GHR: variants seen among roughly 807,000 people sequenced by gnomAD.
GHR encodes GH receptor.
Under a neutral mutation model 67.1 loss-of-function variants are expected in GHR, and 35 were observed. That is an observed-to-expected ratio of 0.52 (90% CI 0.40 to 0.69). The LOEUF (loss-of-function observed/expected upper bound fraction) is 0.69. Among genes scored for constraint, GHR ranks in the 30% least tolerant of loss-of-function variants. The pLI is 0.00. For synonymous variants in GHR, 272 were observed against 269.1 expected, an observed-to-expected ratio of 1.01 and a Z score of -0.10; for missense variants, 792 against 764.6, an observed-to-expected ratio of 1.04 and a Z score of -0.42.
At chr5:42,481,762 G>A (rs1246828064) in intron 1 of GHR, among the ~76,000 whole-genome samples, 2 of 152,078 alleles carry the variant, frequency 1.3e-5, no homozygotes, top group Non-Finnish European at 2.9e-5. Flanking sequence ...CTCTGCATTG[G>A]TTATTCTAGT....
At chr5:42,576,046 T>TAAAATAAAATAAAATAA (rs66522211) in intron 2 of GHR, among the ~76,000 whole-genome samples, 8 of 55,886 alleles carry the variant, frequency 1.4e-4, no homozygotes, top group South Asian at 6.1e-4. Flanking sequence ...AAAATTAAAA[T>TAAAATAAAATAAAATAA]AATAAAATAA....
At chr5:42,475,742 A>G (rs1267783370) in intron 1 of GHR, among the ~76,000 whole-genome samples, 1 of 152,154 alleles carries the variant, frequency 6.6e-6, no homozygotes, top group East Asian at 1.9e-4. Flanking sequence ...GTCAGCAGTC[A>G]AAATGTGATG....
intron 3 of GHR, among the ~76,000 whole-genome samples, chr5:42,657,098 TA>T (rs1755294768): frequency 6.6e-6 from 1 of 151,992 alleles, no homozygotes; most frequent in African/African-American, 2.4e-5. Flanking sequence ...GGAAACTGGG[TA>T]GGGGCTTAGC....
chr5:42,539,987 C>G (rs1017042149), intron 1 of GHR, among the ~76,000 whole-genome samples: 1 of 152,160 alleles, frequency 6.6e-6, no homozygotes, highest in Non-Finnish European at 1.5e-5. Flanking sequence ...GAAAACTGCT[C>G]TCTATTTCTA....
chr5:42,575,417 G>A (rs1750600940), intron 2 of GHR, among the ~76,000 whole-genome samples: 1 of 152,074 alleles, frequency 6.6e-6, no homozygotes. Context: ...ATTAGAAAAT[G>A]GTCCAGGGAG....
intron 3 of GHR, among the ~76,000 whole-genome samples, chr5:42,648,024 T>A (rs188243560): frequency 0.018 from 2,808 of 152,240 alleles, 73 homozygotes; most frequent in African/African-American, 0.061. Context: ...TGTATTTTTT[T>A]AAAAAATTTT....
intron 2 of GHR, among the ~76,000 whole-genome samples, chr5:42,584,135 C>A (rs1751348298): frequency 6.6e-6 from 1 of 151,750 alleles, no homozygotes; most frequent in African/African-American, 2.4e-5. Flanking sequence ...GATGGAAAAC[C>A]CTTATGTATT....
chr5:42,616,265 C>T (rs148436806), intron 2 of GHR, among the ~76,000 whole-genome samples: 1,980 of 151,750 alleles, frequency 0.013, 15 homozygotes, highest in Non-Finnish European at 0.019. Flanking sequence ...TTTGATTGTT[C>T]GGGAAAAAGG....
At chr5:42,561,062 C>G (rs532998145) in intron 1 of GHR, among the ~76,000 whole-genome samples, 1 of 152,178 alleles carries the variant, frequency 6.6e-6, no homozygotes, top group Non-Finnish European at 1.5e-5. Context: ...TCTCTATTCA[C>G]CAGCTTCCTC....
chr5:42,663,149 G>T (rs994838822), intron 3 of GHR, among the ~76,000 whole-genome samples: 20 of 152,042 alleles, frequency 1.3e-4, no homozygotes, highest in African/African-American at 3.9e-4. Flanking sequence ...ATTCACAGCC[G>T]AATTCTACCA....
chr5:42,695,686 A>G (rs1757641612), intron 5 of GHR, among the ~76,000 whole-genome samples: 1 of 152,228 alleles, frequency 6.6e-6, no homozygotes, highest in South Asian at 2.1e-4. Flanking sequence ...TATGGACACA[A>G]GGTGGAAACA....
At chr5:42,564,687 G>A (rs1749825995) in intron 1 of GHR, among the ~76,000 whole-genome samples, 1 of 152,158 alleles carries the variant, frequency 6.6e-6, no homozygotes, top group South Asian at 2.1e-4. Context: ...ATTGCCGGGG[G>A]CCACATCTGT....
intron 1 of GHR, among the ~76,000 whole-genome samples, chr5:42,513,496 G>T (rs961846351): frequency 5.3e-5 from 8 of 152,134 alleles, no homozygotes; most frequent in African/African-American, 9.7e-5. Context: ...CTGATAAAAG[G>T]CTTAGCAGGG....
intron 9 of GHR, 121 bp from the exon 10 acceptor site, chr5:42,718,332 T>TTC: frequency 2.5e-6 from 2 of 812,074 alleles, no homozygotes; most frequent in South Asian, 3.2e-5. Flanking sequence ...TATGTTTTTT[T>TTC]ATATGTTTTG....
At chr5:42,697,598 T>C (rs1757740344) in intron 5 of GHR, among the ~76,000 whole-genome samples, 1 of 152,070 alleles carries the variant, frequency 6.6e-6, no homozygotes, top group African/African-American at 2.4e-5. Flanking sequence ...TTTTCCTCAC[T>C]CAATGAACAG....
intron 3 of GHR, among the ~76,000 whole-genome samples, chr5:42,647,168 G>C (rs1304649207): frequency 1.3e-5 from 2 of 152,118 alleles, no homozygotes; most frequent in Non-Finnish European, 2.9e-5. Context: ...TGTCTGAGTA[G>C]AAAACACTGA....
At position 42,685,100 on chromosome 5, in the gene GHR, C is replaced by A. The variant is rs186244884; in HGVS notation, c.137-3790C>A. 1.8e-3 allele frequency among the ~76,000 whole-genome samples: 267 copies of A among 152,224 alleles called. 1 individual carries two copies. The highest frequency in any genetic ancestry group is 6.2e-3 in the African/African-American group (258 of 41,528). On this transcript the variant is annotated intron_variant, in intron 3 of 9. Coordinates refer to ENST00000230882, the MANE Select transcript of GHR (RefSeq NM_000163.5). ...TAATGTTATCCCTCCCCCAGCCCCA[C>A]AGCCCTCAACAGGCCCCAGTGTGTA...
At chr5:42,468,966 T>C (rs1744877150) in intron 1 of GHR, 3 of 402,760 alleles carry the variant, frequency 7.4e-6, no homozygotes, top group African/African-American at 2.1e-5. Flanking sequence ...AGAACAATTT[T>C]TTTGAAATCC....
At chr5:42,618,842 C>T (rs955367927) in intron 2 of GHR, among the ~76,000 whole-genome samples, 12 of 152,048 alleles carry the variant, frequency 7.9e-5, no homozygotes, top group African/African-American at 2.9e-4. Flanking sequence ...CCCAAGCAGA[C>T]ATGTTGGTCT....
Sources: allele counts gnomAD v4.1 joint callset (sites outside exome capture counted in the v4.1 genomes callset), GRCh38; gene constraint gnomAD v4.1.1; transcripts MANE v1.5; gene names NCBI Gene and HGNC (gene_info 2026-07-23, HGNC 2026-07-21).